MBOAT2: variants seen among roughly 807,000 people sequenced by gnomAD.
MBOAT2 encodes membrane bound glycerophospholipid O-acyltransferase 2, also known as membrane-bound glycerophospholipid O-acyltransferase 2.
Under a neutral mutation model 63.4 loss-of-function variants are expected in MBOAT2, and 28 were observed. That is an observed-to-expected ratio of 0.44 (90% CI 0.33 to 0.61). The LOEUF (loss-of-function observed/expected upper bound fraction) is 0.61. Among genes scored for constraint, MBOAT2 ranks in the 20% least tolerant of loss-of-function variants. The probability of loss-of-function intolerance (pLI) is 0.03; values close to 1 mark genes in which losing one functional copy is unlikely to be tolerated. For synonymous variants in MBOAT2, 211 were observed against 215.6 expected (o/e 0.98, Z 0.19); for missense variants, 470 against 605.8 (o/e 0.78, Z 2.35).
intron 4 of MBOAT2, among the ~76,000 whole-genome samples, chr2:8,895,027 G>GACTC (rs1664332658): frequency 6.6e-6 from 1 of 152,252 alleles, no homozygotes; most frequent in South Asian, 2.1e-4. Context: ...GAGTAAAGCT[G>GACTC]CAGACCTTCA....
At chr2:8,953,656 G>T (rs1197927598) in intron 2 of MBOAT2, among the ~76,000 whole-genome samples, 5 of 151,710 alleles carry the variant, frequency 3.3e-5, no homozygotes, top group Non-Finnish European at 1.5e-5. Context: ...TTTTATTTTT[G>T]TCTGATTGGG....
At chr2:8,908,556 T>C in intron 4 of MBOAT2, 65 bp downstream of exon 4, 4 of 858,326 alleles carry the variant, frequency 4.7e-6, no homozygotes, top group Non-Finnish European at 7.6e-6. Context: ...GCAAATATAT[T>C]TTGTCCTTTA....
intron 6 of MBOAT2, among the ~76,000 whole-genome samples, chr2:8,878,644 G>A (rs1312854511): frequency 6.6e-6 from 1 of 152,198 alleles, no homozygotes. Flanking sequence ...ACCTTGCCTA[G>A]CTTAGCATAT....
intron 2 of MBOAT2, among the ~76,000 whole-genome samples, chr2:8,951,813 T>G (rs1291870848): frequency 1.3e-5 from 2 of 152,186 alleles, no homozygotes; most frequent in Non-Finnish European, 2.9e-5. Context: ...TTATTTGGAT[T>G]TTCTCTCTTT....
At chr2:8,879,419 T>A (rs1309936236) in intron 6 of MBOAT2, among the ~76,000 whole-genome samples, 1 of 152,198 alleles carries the variant, frequency 6.6e-6, no homozygotes, top group African/African-American at 2.4e-5. Flanking sequence ...AAACAACAAG[T>A]CATTTTAGGT....
intron 4 of MBOAT2, among the ~76,000 whole-genome samples, chr2:8,900,393 G>C (rs891731861): frequency 6.6e-6 from 1 of 152,206 alleles, no homozygotes; most frequent in South Asian, 2.1e-4. Context: ...CTCCAAGTGA[G>C]CTCAAAGGTT....
At chr2:8,929,554 T>C (rs1332556405) in intron 3 of MBOAT2, among the ~76,000 whole-genome samples, 7 of 152,252 alleles carry the variant, frequency 4.6e-5, no homozygotes, top group Non-Finnish European at 8.8e-5. Flanking sequence ...GGTTTTGCCA[T>C]GTGGCCCAGG....
intron 9 of MBOAT2, among the ~76,000 whole-genome samples, chr2:8,865,709 A>C (rs1418635505): frequency 6.6e-6 from 1 of 152,166 alleles, no homozygotes; most frequent in Non-Finnish European, 1.5e-5. Flanking sequence ...TCTGGCCTTT[A>C]TGCCAATCCC....
chr2:8,886,266 T>C (rs141679901), intron 5 of MBOAT2, among the ~76,000 whole-genome samples: 88 of 152,358 alleles, frequency 5.8e-4, no homozygotes, highest in African/African-American at 2.1e-3. Flanking sequence ...TCTGGAAACT[T>C]GTGCCTGGTT....
intron 2 of MBOAT2, among the ~76,000 whole-genome samples, chr2:8,950,423 G>GT (rs1225468119): frequency 2.0e-5 from 3 of 151,970 alleles, no homozygotes; most frequent in African/African-American, 7.3e-5. Context: ...CTTCCAGTTT[G>GT]TTTTTTGTTT....
intron 2 of MBOAT2, among the ~76,000 whole-genome samples, chr2:8,958,286 G>C (rs943258549): frequency 1.3e-5 from 2 of 152,120 alleles, no homozygotes; most frequent in South Asian, 2.1e-4. Context: ...ATTATAAATA[G>C]TAAATTTTCC....
intron 4 of MBOAT2, among the ~76,000 whole-genome samples, chr2:8,893,113 A>AGGAGGCAGGGGT (rs1664140886): frequency 4.5e-5 from 1 of 22,236 alleles, no homozygotes; most frequent in Non-Finnish European, 9.0e-5. Flanking sequence ...GAGGCAGGGG[A>AGGAGGCAGGGGT]GGTGGGCAGG....
chr2:8,940,574 T>C (rs932463635), intron 3 of MBOAT2, among the ~76,000 whole-genome samples: 1 of 152,196 alleles, frequency 6.6e-6, no homozygotes. Flanking sequence ...ATTACAGGCG[T>C]GAGCCACTGT....
intron 1 of MBOAT2, among the ~76,000 whole-genome samples, chr2:8,980,172 T>C (rs1458012938): frequency 6.6e-6 from 1 of 152,192 alleles, no homozygotes; most frequent in Non-Finnish European, 1.5e-5. Flanking sequence ...CCTGAAATAT[T>C]ACTCTTGCCC....
intron 1 of MBOAT2, among the ~76,000 whole-genome samples, chr2:8,977,212 G>A (rs1369751219): frequency 6.6e-6 from 1 of 152,058 alleles, no homozygotes; most frequent in Non-Finnish European, 1.5e-5. Flanking sequence ...CCTCAATAAA[G>A]CTGTTTAAAT....
chr2:8,996,980 G>A (rs1672354953), intron 1 of MBOAT2, among the ~76,000 whole-genome samples: 2 of 152,168 alleles, frequency 1.3e-5, no homozygotes, highest in Non-Finnish European at 2.9e-5. Flanking sequence ...GATACAGGAA[G>A]GACGGTTAGG....
chr2:8,994,226 A>C (rs1672113249), intron 1 of MBOAT2, among the ~76,000 whole-genome samples: 1 of 152,036 alleles, frequency 6.6e-6, no homozygotes, highest in South Asian at 2.1e-4. Flanking sequence ...TGGGAGGGAG[A>C]CTTGTAAAGC....
chr2:9,001,250 A>T (rs926662284), intron 1 of MBOAT2, among the ~76,000 whole-genome samples: 23 of 152,202 alleles, frequency 1.5e-4, no homozygotes, highest in African/African-American at 5.6e-4. Flanking sequence ...AGTATAGTAA[A>T]TACATAAACC....
chr2:8,943,667 A>G (rs558034501), intron 2 of MBOAT2, among the ~76,000 whole-genome samples: 12 of 152,336 alleles, frequency 7.9e-5, no homozygotes, highest in African/African-American at 2.6e-4. Flanking sequence ...TCCAGTACCA[A>G]CTTTGTACTC....
Sources: allele counts gnomAD v4.1 joint callset (sites outside exome capture counted in the v4.1 genomes callset), GRCh38; gene constraint gnomAD v4.1.1; transcripts MANE v1.5; gene names NCBI Gene and HGNC (gene_info 2026-07-23, HGNC 2026-07-21).